The following NPLOC4 variants were observed in gnomAD, a reference collection of about 807,000 sequenced individuals.
NPLOC4 encodes NPL4 homolog, ubiquitin recognition factor, also known as nuclear protein localization protein 4 homolog.
Under a neutral mutation model 80.6 loss-of-function variants are expected in NPLOC4, and 18 were observed. The observed-to-expected ratio is 0.22, with a 90% CI of 0.15 to 0.33. The LOEUF is 0.33. Among genes scored for constraint, NPLOC4 ranks in the 10% least tolerant of loss-of-function variants. NPLOC4 has a pLI of 1.00. For synonymous variants in NPLOC4, 313 were observed against 301.5 expected (o/e 1.04, Z -0.39); for missense variants, 540 against 786.1 (o/e 0.69, Z 3.74).
At chr17:81,631,383 T>C (rs2144337783) in intron 1 of NPLOC4, among the ~76,000 whole-genome samples, 1 of 148,408 alleles carries the variant, frequency 6.7e-6, no homozygotes, top group East Asian at 2.0e-4. Flanking sequence ...CATCCTAATT[T>C]AATAACGTGT....
rs2033776583 is a variant in NPLOC4 at position 81,559,499 on chromosome 17, G to A, written c.1670-83C>T. On this transcript the variant is annotated intron_variant, in intron 16 of 16. Coordinates refer to ENST00000331134, the MANE Select transcript of NPLOC4 (RefSeq NM_017921.4). Reference sequence around the variant, plus strand: ...AGTGTGGGCATGGGGGCAGGGGCAGGCAGCTGAGAGCTCCCCGCCCCCAAC... The same window carrying A: ...AGTGTGGGCATGGGGGCAGGGGCAGACAGCTGAGAGCTCCCCGCCCCCAAC... 3 of 1,432,974 alleles carry A rather than the reference G, an allele frequency of 2.1e-6. No individual in the cohort carries two copies. In the South Asian group the frequency reaches 4.1e-5, roughly 20 times the overall value. 88.8% of individuals were successfully genotyped at this position (1,432,974 alleles called of 1,614,324 possible).
chr17:81,594,900 C>T (rs551195131), intron 11 of NPLOC4, among the ~76,000 whole-genome samples: 1 of 152,036 alleles, frequency 6.6e-6, no homozygotes, highest in African/African-American at 2.4e-5. Context: ...TATGACTGCA[C>T]CACTGTGCTC....
In NPLOC4 at chr17:81,635,294, G is replaced by A. The variant is rs1436855380; in HGVS notation, c.15+1622C>T. 2.7e-5 allele frequency among the ~76,000 whole-genome samples: 4 copies of A among 146,110 alleles called. No individual in the cohort carries two copies. In the South Asian group the frequency reaches 6.4e-4, roughly 24 times the overall value. On this transcript the variant is annotated intron_variant, in intron 1 of 16. Transcript: ENST00000331134. Reference sequence around the variant, plus strand: ...GCGGAGGTTGCAGTAAGCAGAGATCGCACCACTGAACTCCAGCCTGGGCGA... The same window carrying A: ...GCGGAGGTTGCAGTAAGCAGAGATCACACCACTGAACTCCAGCCTGGGCGA...
At position 81,569,038 on chromosome 17, in the gene NPLOC4, C is replaced by T. The variant is rs753872876; in HGVS notation, c.1427G>A (p.Arg476Gln). The change falls in exon 14 of 17, where the codon CGG becomes CAG. Residue 476 changes from arginine (R) to glutamine (Q), a missense_variant. By Grantham distance (43) the Arg-to-Gln change is conservative. Coordinates refer to ENST00000331134, the MANE Select transcript of NPLOC4 (RefSeq NM_017921.4). Reference sequence around the variant, plus strand: ...CACCTGTGTCTCACCCAATACATCCCGGTTTTCAATAGGAAATGGATTTTG... The same window carrying T: ...CACCTGTGTCTCACCCAATACATCCTGGTTTTCAATAGGAAATGGATTTTG... ...ISQNPFPIEN[R>Q]DVLGETQDFH... The T allele has an allele frequency of 2.5e-6, 4 of 1,610,904 alleles. No homozygotes were observed. The highest frequency in any genetic ancestry group is 1.1e-5 in the South Asian group (1 of 91,038).
rs2035396739 is a variant in NPLOC4 at position 81,613,462 on chromosome 17, C to G, written c.242G>C (p.Ser81Thr). The G allele has an allele frequency of 6.2e-7, 1 of 1,613,810 alleles. No homozygotes were observed. The highest frequency in any genetic ancestry group is 1.7e-5 in the Admixed American group (1 of 59,972). The change falls in exon 4 of 17, where the codon AGC becomes ACC. Residue 81 changes from serine to threonine, a missense_variant. This residue lies in a region of NPLOC4 where 5 missense variants were observed against 21.5 expected (regional missense o/e 0.23). Coordinates refer to ENST00000331134, the MANE Select transcript of NPLOC4 (RefSeq NM_017921.4). ...CATTTCAGATGAGGGCCCAGCAAGGCTCGAGGGAAACAGGAACAACAAATC... is the reference window on the plus strand; with the variant it reads ...CATTTCAGATGAGGGCCCAGCAAGGGTCGAGGGAAACAGGAACAACAAATC... The part of the protein sequence containing the change: ...HGDLLFLFPS[S>T]LAGPSSEMET...
At position 81,580,555 on chromosome 17, in the gene NPLOC4, G is replaced by A. The variant is rs573472612; in HGVS notation, c.1281+8389C>T. ...GGCCACCCTGCTTATCACTCTCTGT[G>A]TGGGGAACAGGCTGCTGCCTCTGTC... On this transcript the variant is annotated intron_variant, in intron 12 of 16. Coordinates refer to ENST00000331134, the MANE Select transcript of NPLOC4 (RefSeq NM_017921.4). The surrounding 1 kb of genome is among the most constrained non-coding windows in gnomAD (Gnocchi z 4.4). Among the ~76,000 whole-genome samples the A allele has an allele frequency of 2.6e-5, 4 of 152,174 alleles. No homozygotes were observed. In the East Asian group the frequency reaches 7.7e-4, roughly 29 times the overall value.
chr17:81,563,966 A>AT lies in NPLOC4; in HGVS notation c.1669+1538_1669+1539insA. The AT allele has an allele frequency of 6.6e-6, 3 of 453,956 alleles. 1 individual carries two copies. The highest frequency in any genetic ancestry group is 4.7e-5 in the South Asian group (3 of 64,254). 28.1% of individuals were successfully genotyped at this position (453,956 alleles called of 1,614,324 possible). On this transcript the variant is annotated intron_variant, in intron 16 of 16. Coordinates refer to ENST00000331134, the MANE Select transcript of NPLOC4 (RefSeq NM_017921.4). Reference sequence around the variant, plus strand: ...TGTGGTGGTACACATCTGTAATCCCAGCTACTCGGGAGGCTGAGGGAGGGG... The same window carrying AT: ...TGTGGTGGTACACATCTGTAATCCCATGCTACTCGGGAGGCTGAGGGAGGGG...
intron 3 of NPLOC4, among the ~76,000 whole-genome samples, chr17:81,620,500 A>AAAATAAAT: frequency 6.6e-6 from 1 of 152,292 alleles, no homozygotes; most frequent in East Asian, 1.9e-4. Flanking sequence ...CGTCTCAAAA[A>AAAATAAAT]AAATAAATAA....
Position 81,591,447 on chromosome 17 carries a change from G to GAAAAAAAA in NPLOC4, c.1121-2351_1121-2344dup, listed in dbSNP as rs71367067. Among the ~76,000 whole-genome samples, 315 of 76,154 alleles carry GAAAAAAAA rather than the reference G, an allele frequency of 4.1e-3. 1 individual carries two copies. The highest frequency in any genetic ancestry group is 0.011 in the East Asian group (24 of 2,130). 50.0% of individuals were successfully genotyped at this position (76,154 alleles called of 152,430 possible). ...AAGACTCCATCTCTGGAGTAAAACA[G>GAAAAAAAA]AAAAAAAAAAAAAAAAAAAAAAAAA... On this transcript the variant is annotated intron_variant, in intron 11 of 16. Coordinates refer to ENST00000331134, the MANE Select transcript of NPLOC4 (RefSeq NM_017921.4).
chr17:81,585,667 G>T (rs554637087), intron 12 of NPLOC4, among the ~76,000 whole-genome samples: 7 of 146,150 alleles, frequency 4.8e-5, no homozygotes, highest in South Asian at 2.2e-4. Flanking sequence ...TTTCTGGGGG[G>T]GGGGGGAAAG....
intron 3 of NPLOC4, among the ~76,000 whole-genome samples, chr17:81,617,305 G>T (rs971030496): frequency 1.3e-5 from 2 of 152,308 alleles, no homozygotes; most frequent in East Asian, 3.9e-4. Context: ...ACAGGGTCTT[G>T]CTCTGTTGCC....
chr17:81,592,343 T>C (rs2034773858), intron 11 of NPLOC4, among the ~76,000 whole-genome samples: 1 of 152,128 alleles, frequency 6.6e-6, no homozygotes, highest in African/African-American at 2.4e-5. Flanking sequence ...TCATCCGAGC[T>C]GTAGTGATTA....
Position 81,622,151 on chromosome 17 carries a change from T to A in NPLOC4, c.209+15A>T, listed in dbSNP as rs774395397. The A allele has an allele frequency of 8.2e-6, 13 of 1,583,424 alleles. No individual in the cohort carries two copies. The highest frequency in any genetic ancestry group is 9.5e-6 in the Non-Finnish European group (11 of 1,152,440). ...TTTCCCCCCATTCCCTGCTTCCTCC[T>A]CAGAGGACACTTACTTGATTTTTAG... On this transcript the variant is annotated intron_variant, in intron 3 of 16. Coordinates refer to ENST00000331134, the MANE Select transcript of NPLOC4 (RefSeq NM_017921.4).
intron 12 of NPLOC4, among the ~76,000 whole-genome samples, chr17:81,574,521 G>T (rs1186158503): frequency 1.3e-5 from 2 of 152,144 alleles, no homozygotes; most frequent in African/African-American, 4.8e-5. Flanking sequence ...GAATGCGCTG[G>T]GAGGAGGTTG....
In NPLOC4 at chr17:81,572,200, A is replaced by T. The variant is rs537393322; in HGVS notation, c.1282-112T>A. 130 of 490,496 alleles carry T rather than the reference A, an allele frequency of 2.7e-4. No homozygotes were observed. The highest frequency in any genetic ancestry group is 1.2e-3 in the African/African-American group (61 of 49,088). 30.4% of individuals were successfully genotyped at this position (490,496 alleles called of 1,614,324 possible). ...AATTAATTAATTTATTTATTTATTT[A>T]TTTTTTGAGACAGAGTCTTGTGCTG... On this transcript the variant is annotated intron_variant, in intron 12 of 16. Coordinates refer to ENST00000331134, the MANE Select transcript of NPLOC4 (RefSeq NM_017921.4). The surrounding 1 kb of genome is among the most constrained non-coding windows in gnomAD (Gnocchi z 4.5).
chr17:81,595,242 T>C (rs931367691), intron 11 of NPLOC4, among the ~76,000 whole-genome samples: 5 of 151,446 alleles, frequency 3.3e-5, no homozygotes, highest in Admixed American at 6.6e-5. Flanking sequence ...AAGATTAGCC[T>C]GGCCAACAAG....
At chr17:81,630,222 T>C (rs1213049268) in intron 1 of NPLOC4, among the ~76,000 whole-genome samples, 1 of 151,742 alleles carries the variant, frequency 6.6e-6, no homozygotes, top group Non-Finnish European at 1.5e-5. Flanking sequence ...AGGATCTATA[T>C]ACAAACATTA....
intron 3 of NPLOC4, among the ~76,000 whole-genome samples, chr17:81,618,510 C>T (rs2035570444): frequency 6.8e-6 from 1 of 147,846 alleles, no homozygotes; most frequent in Admixed American, 6.8e-5. Flanking sequence ...CCCGCCCGGC[C>T]AGCCGCCCCG....
At chr17:81,597,646 G>T (rs917350565) in intron 9 of NPLOC4, among the ~76,000 whole-genome samples, 8 of 152,138 alleles carry the variant, frequency 5.3e-5, no homozygotes, top group Admixed American at 3.3e-4. Flanking sequence ...TAGTTGGGGT[G>T]GTGGCGCATG....
Sources: gnomAD v4.1 joint callset for allele counts (sites outside exome capture counted in the v4.1 genomes callset) on GRCh38, gnomAD v4.1.1 for gene constraint, gnomAD v4.1.1 regional missense constraint, Gnocchi (gnomAD v3.1) non-coding constraint, MANE v1.5 for transcripts, NCBI Gene and HGNC (gene_info 2026-07-23, HGNC 2026-07-21) for gene names.